LANCL3: variants seen among roughly 807,000 people sequenced by gnomAD.
LANCL3 encodes the protein LanC like family member 3.
In LANCL3, 19 loss-of-function variants were observed where a neutral mutation model predicts 26.5. That is an observed-to-expected ratio of 0.72 (90% CI 0.50 to 1.05). The LOEUF is 1.05. LANCL3 is among the 50% of genes least tolerant of loss of function. The pLI is 0.00. For synonymous variants in LANCL3, 160 were observed against 166.6 expected (o/e 0.96, Z 0.30); for missense variants, 318 against 362.7 (o/e 0.88, Z 1.00).
intron 1 of LANCL3, among the ~76,000 whole-genome samples, chrX:37,612,542 G>T (rs1202252466): frequency 1.8e-5 from 2 of 112,289 alleles, no homozygotes; most frequent in Non-Finnish European, 3.8e-5. Context: ...AATCTCAAAA[G>T]TTAACACTTG....
At position 37,682,823 on chromosome X, in the gene LANCL3, A is replaced by G. The variant is rs1211993988; in HGVS notation, c.*7010A>G. On this transcript the variant is annotated 3_prime_UTR_variant, in exon 5 of 5. Transcript: ENST00000378619. ...TGCACATAGACTCTCTAGCAGTAGA[A>G]ATGGAATATTCTAAGTGCAGAAGTT... The G allele has an allele frequency of 8.9e-6, 1 of 112,162 alleles. No homozygotes were observed. Among genetic ancestry groups the G allele is most frequent in the Non-Finnish European group, 1.9e-5 (1 of 53,251 alleles). 9.2% of individuals were successfully genotyped at this position (112,162 alleles called of 1,213,427 possible).
At chrX:37,624,434 T>A in intron 1 of LANCL3, among the ~76,000 whole-genome samples, 1 of 112,116 alleles carries the variant, frequency 8.9e-6, no homozygotes, top group East Asian at 2.8e-4. Flanking sequence ...CTTTGTAAAA[T>A]TTAAAATATT....
At chrX:37,634,437 C>T (rs937497624) in intron 1 of LANCL3, among the ~76,000 whole-genome samples, 14 of 112,914 alleles carry the variant, frequency 1.2e-4, no homozygotes, top group East Asian at 1.1e-3. Context: ...GCACATGGTG[C>T]GCTGCACCCA....
chrX:37,617,261 T>C (rs919624673), intron 1 of LANCL3, among the ~76,000 whole-genome samples: 1 of 111,173 alleles, frequency 9.0e-6, no homozygotes, highest in Non-Finnish European at 1.9e-5. Flanking sequence ...ACAGAAAACC[T>C]GACTGAGAGT....
chrX:37,654,507 G>T (rs1172091212), intron 1 of LANCL3, among the ~76,000 whole-genome samples: 1 of 111,998 alleles, frequency 8.9e-6, no homozygotes, highest in Non-Finnish European at 1.9e-5. Context: ...TCTACCTTTT[G>T]GGAAGATTGG....
In LANCL3 at chrX:37,676,364, G is replaced by A. The variant is rs1279359165; in HGVS notation, c.*551G>A. 1 of 111,902 alleles carries A rather than the reference G, an allele frequency of 8.9e-6. No individual in the cohort carries two copies. The highest frequency in any genetic ancestry group is 3.2e-5 in the African/African-American group (1 of 30,851). 9.2% of individuals were successfully genotyped at this position (111,902 alleles called of 1,213,427 possible). A position where few individuals can be genotyped will look rare whatever the true frequency, so the allele number is the denominator to read the frequency against. On this transcript the variant is annotated 3_prime_UTR_variant, in exon 5 of 5. Transcript: ENST00000378619. The stretch of plus-strand genomic sequence containing the variant: ...TGGTTTTTACTGAGCAAAGATATTT[G>A]CATATGAATCTCTATTTTTTTCATT...
Position 37,648,782 on chromosome X carries a change from A to G in LANCL3, c.574-6906A>G, listed in dbSNP as rs564189305. Reference sequence around the variant, plus strand: ...ATTTACAAGAAAAAAACAACCCTACAAAAAGTGGGCAAAGATCTGAACAGA... The same window carrying G: ...ATTTACAAGAAAAAAACAACCCTACGAAAAGTGGGCAAAGATCTGAACAGA... On this transcript the variant is annotated intron_variant, in intron 1 of 4. Transcript: ENST00000378619. 4.6e-4 allele frequency among the ~76,000 whole-genome samples: 52 copies of G among 112,270 alleles called. No homozygotes were observed. In the South Asian group the frequency reaches 0.019, roughly 41 times the overall value.
At chrX:37,661,951 A>G (rs1337544612) in intron 3 of LANCL3, among the ~76,000 whole-genome samples, 2 of 112,160 alleles carry the variant, frequency 1.8e-5, no homozygotes, top group Admixed American at 1.9e-4. Flanking sequence ...TCCAGCTTCT[A>G]ATTTCAGCTC....
At chrX:37,633,126 G>A (rs1396033784) in intron 1 of LANCL3, among the ~76,000 whole-genome samples, 7 of 105,920 alleles carry the variant, frequency 6.6e-5, no homozygotes, top group African/African-American at 1.0e-4. Flanking sequence ...CACATAGTCC[G>A]ATATTTCTTG....
chrX:37,620,635 G>A (rs1160368188), intron 1 of LANCL3, among the ~76,000 whole-genome samples: 3 of 111,403 alleles, frequency 2.7e-5, no homozygotes, highest in East Asian at 5.7e-4. Context: ...TTTCATTGCC[G>A]ATGGCCCCAC....
intron 1 of LANCL3, among the ~76,000 whole-genome samples, chrX:37,634,267 G>A (rs1278602972): frequency 3.5e-5 from 4 of 112,739 alleles, no homozygotes; most frequent in African/African-American, 1.3e-4. Context: ...CTGGTGCGCC[G>A]TTTTTTAAGC....
intron 1 of LANCL3, among the ~76,000 whole-genome samples, chrX:37,632,129 G>T (rs1339521053): frequency 9.0e-6 from 1 of 111,639 alleles, no homozygotes; most frequent in Non-Finnish European, 1.9e-5. Context: ...TTATGAATCT[G>T]GGTGCTCCTG....
chrX:37,670,069 A>G (rs1181482062), intron 4 of LANCL3, among the ~76,000 whole-genome samples: 1 of 112,596 alleles, frequency 8.9e-6, no homozygotes, highest in Non-Finnish European at 1.9e-5. Context: ...GTAATCTTTA[A>G]TAACACAAAA....
intron 1 of LANCL3, among the ~76,000 whole-genome samples, chrX:37,587,378 T>C (rs1556418213): frequency 1.8e-5 from 2 of 112,887 alleles, no homozygotes; most frequent in African/African-American, 6.4e-5. Flanking sequence ...TGTTCGGCTA[T>C]GCCCTGCCCC....
At chrX:37,633,692 C>T (rs1287058546) in intron 1 of LANCL3, among the ~76,000 whole-genome samples, 1 of 111,815 alleles carries the variant, frequency 8.9e-6, no homozygotes, top group Non-Finnish European at 1.9e-5. Flanking sequence ...GCTAGAGGTC[C>T]ACTCCAGACC....
intron 1 of LANCL3, among the ~76,000 whole-genome samples, chrX:37,589,317 A>T (rs1468562541): frequency 9.0e-6 from 1 of 111,687 alleles, no homozygotes; most frequent in Non-Finnish European, 1.9e-5. Context: ...TATCTGATTG[A>T]CTTTAAGCAA....
At chrX:37,625,558 T>C (rs1556422895) in intron 1 of LANCL3, among the ~76,000 whole-genome samples, 1 of 111,492 alleles carries the variant, frequency 9.0e-6, no homozygotes, top group African/African-American at 3.3e-5. Context: ...GACACTGTTA[T>C]CTCTCCTTCT....
chrX:37,661,003 T>TGGGG (rs200304945), intron 3 of LANCL3, among the ~76,000 whole-genome samples: 17 of 85,435 alleles, frequency 2.0e-4, no homozygotes, highest in African/African-American at 1.0e-3. Flanking sequence ...ACCTTTTTTG[T>TGGGG]GGGCGGGGGG....
intron 1 of LANCL3, among the ~76,000 whole-genome samples, chrX:37,602,423 T>G (rs966174405): frequency 1.8e-5 from 2 of 112,061 alleles, no homozygotes; most frequent in African/African-American, 3.2e-5. Context: ...TTGGGACACT[T>G]CAAGATTCCA....
Sources: gnomAD v4.1 joint callset for allele counts (sites outside exome capture counted in the v4.1 genomes callset) on GRCh38, gnomAD v4.1.1 for gene constraint, MANE v1.5 for transcripts, NCBI Gene and HGNC (gene_info 2026-07-23, HGNC 2026-07-21) for gene names.